Variants in EBF1 observed in about 807,000 individuals in gnomAD.
EBF1 encodes the protein transcription factor COE1.
Under a neutral mutation model 68.4 loss-of-function variants are expected in EBF1, and 10 were observed. The observed-to-expected ratio is 0.15, with a 90% CI of 0.09 to 0.25. EBF1 has a LOEUF of 0.25. EBF1 is among the 10% of genes least tolerant of loss of function. The probability of loss-of-function intolerance (pLI) is 1.00; values close to 1 mark genes in which losing one functional copy is unlikely to be tolerated. For missense variants in EBF1, 509 were observed against 794.4 expected, an observed-to-expected ratio of 0.64 and a Z score of 4.32; for synonymous variants, 298 against 299.8, an observed-to-expected ratio of 0.99 and a Z score of 0.06.
rs571421650 is a variant in EBF1 at position 159,049,569 on chromosome 5, A to G, written c.554+23827T>C. Among the ~76,000 whole-genome samples, 6 of 152,332 alleles carry G rather than the reference A, an allele frequency of 3.9e-5. No homozygotes were observed. The East Asian group carries it at 1.2e-3, about 29-fold the overall frequency. Reference sequence around the variant, plus strand: ...GAACTAAATATTCTGCAAAATGTAAAAACTTTCTCTTTGTTCCAGCTAAGA... The same window carrying G: ...GAACTAAATATTCTGCAAAATGTAAGAACTTTCTCTTTGTTCCAGCTAAGA... On this transcript the variant is annotated intron_variant, in intron 6 of 15. Transcript: ENST00000313708.
intron 6 of EBF1, among the ~76,000 whole-genome samples, chr5:159,063,221 C>T (rs989695489): frequency 6.6e-6 from 1 of 152,180 alleles, no homozygotes; most frequent in Non-Finnish European, 1.5e-5. Flanking sequence ...CATCTACCTG[C>T]CTGTGCTCAG....
chr5:158,700,388 CAGAG>C (rs1412462530), intron 15 of EBF1, among the ~76,000 whole-genome samples: 1 of 152,142 alleles, frequency 6.6e-6, no homozygotes, highest in Non-Finnish European at 1.5e-5. Flanking sequence ...TCTTGTCAGG[CAGAG>C]AGAGTCATTG....
intron 6 of EBF1, among the ~76,000 whole-genome samples, chr5:159,013,995 G>T (rs1445349595): frequency 2.0e-5 from 3 of 152,148 alleles, no homozygotes; most frequent in Non-Finnish European, 4.4e-5. Context: ...CCTTTAAAGG[G>T]TAAGTTCCAA....
intron 6 of EBF1, among the ~76,000 whole-genome samples, chr5:158,896,166 T>G (rs568730858): frequency 3.2e-4 from 48 of 152,324 alleles, no homozygotes; most frequent in African/African-American, 1.0e-3. Flanking sequence ...AAAATATTCC[T>G]TAATCACTTG....
At chr5:158,884,125 G>A (rs1156727059) in intron 6 of EBF1, among the ~76,000 whole-genome samples, 1 of 152,184 alleles carries the variant, frequency 6.6e-6, no homozygotes, top group Non-Finnish European at 1.5e-5. Flanking sequence ...TATCCTGACA[G>A]CTTAAGTCAC....
chr5:158,788,002 A>G (rs1053854613), intron 9 of EBF1, among the ~76,000 whole-genome samples: 2 of 150,898 alleles, frequency 1.3e-5, no homozygotes, highest in Non-Finnish European at 3.0e-5. Flanking sequence ...AACAGTTGCT[A>G]TTAGGGAGCA....
At chr5:158,952,820 T>G (rs1316758386) in intron 6 of EBF1, among the ~76,000 whole-genome samples, 3 of 152,188 alleles carry the variant, frequency 2.0e-5, no homozygotes, top group Non-Finnish European at 4.4e-5. Context: ...AAGAATTAAT[T>G]AGCTGCAAAT....
chr5:158,990,525 T>C (rs546529358), intron 6 of EBF1, among the ~76,000 whole-genome samples: 1 of 152,326 alleles, frequency 6.6e-6, no homozygotes, highest in Non-Finnish European at 1.5e-5. Flanking sequence ...CTTATTGTGA[T>C]GTCAGTCATA....
chr5:159,094,750 C>T (rs1782286208), intron 4 of EBF1, among the ~76,000 whole-genome samples: 1 of 152,084 alleles, frequency 6.6e-6, no homozygotes, highest in South Asian at 2.1e-4. Flanking sequence ...TTTCCCCCAC[C>T]CAATAAAGCT....
chr5:158,980,345 A>G (rs1757652713), intron 6 of EBF1, among the ~76,000 whole-genome samples: 1 of 152,104 alleles, frequency 6.6e-6, no homozygotes, highest in Non-Finnish European at 1.5e-5. Context: ...TTTCTTCCTA[A>G]TAACTGCTGG....
At chr5:158,925,201 G>A (rs1809402633) in intron 6 of EBF1, among the ~76,000 whole-genome samples, 1 of 152,096 alleles carries the variant, frequency 6.6e-6, no homozygotes, top group South Asian at 2.1e-4. Flanking sequence ...CCCTATCGGT[G>A]GCCATGAATC....
chr5:158,917,834 G>C (rs549643013), intron 6 of EBF1, among the ~76,000 whole-genome samples: 77 of 152,306 alleles, frequency 5.1e-4, no homozygotes, highest in African/African-American at 1.7e-3. Context: ...GAAGGTCAGG[G>C]AAGTTAAATA....
intron 6 of EBF1, among the ~76,000 whole-genome samples, chr5:158,909,663 G>T (rs1805465717): frequency 6.6e-6 from 1 of 152,124 alleles, no homozygotes; most frequent in African/African-American, 2.4e-5. Context: ...GGGAGGCCGG[G>T]TGCGGTGGCT....
chr5:158,699,274 C>T (rs1434643823), intron 15 of EBF1, 132 bp from the exon 16 acceptor site: 7 of 806,150 alleles, frequency 8.7e-6, no homozygotes, highest in Non-Finnish European at 1.1e-5. Context: ...CAAATTTGCT[C>T]TCATCTTCTC....
intron 6 of EBF1, among the ~76,000 whole-genome samples, chr5:158,992,659 C>A (rs748448182): frequency 6.6e-6 from 1 of 152,102 alleles, no homozygotes; most frequent in Non-Finnish European, 1.5e-5. Flanking sequence ...AAATATATAT[C>A]TCATCAAGTT....
Position 159,099,183 on chromosome 5 carries a change from G to A in EBF1, c.134+162C>T, listed in dbSNP as rs546999891. ...CGGCCGCAGGCGACGAAGGCAGAGC[G>A]GCTGGAGAGCGCGGAGCCCCGGCGG... On this transcript the variant is annotated intron_variant, in intron 1 of 15. Transcript: ENST00000313708. 2.6e-5 allele frequency among the ~76,000 whole-genome samples: 4 copies of A among 152,256 alleles called. No homozygotes were observed. The South Asian group carries it at 8.3e-4, about 32-fold the overall frequency.
intron 6 of EBF1, among the ~76,000 whole-genome samples, chr5:158,932,764 T>C (rs956382856): frequency 6.6e-6 from 1 of 152,222 alleles, no homozygotes; most frequent in African/African-American, 2.4e-5. Flanking sequence ...ACTGCTATTA[T>C]GAGACTTTTA....
intron 9 of EBF1, among the ~76,000 whole-genome samples, chr5:158,795,151 G>A (rs1437310604): frequency 6.6e-6 from 1 of 152,158 alleles, no homozygotes; most frequent in Non-Finnish European, 1.5e-5. Context: ...ACATACCCAA[G>A]TATCACAGTC....
At chr5:159,092,911 T>C (rs1378259981) in intron 4 of EBF1, among the ~76,000 whole-genome samples, 1 of 152,168 alleles carries the variant, frequency 6.6e-6, no homozygotes, top group African/African-American at 2.4e-5. Context: ...AAAAATGTAA[T>C]CATTTAATCC....
Sources: gnomAD v4.1 joint callset for allele counts (sites outside exome capture counted in the v4.1 genomes callset) on GRCh38, gnomAD v4.1.1 for gene constraint, MANE v1.5 for transcripts, NCBI Gene and HGNC (gene_info 2026-07-23, HGNC 2026-07-21) for gene names.